The following DPH6 variants were observed in gnomAD, a reference collection of about 807,000 sequenced individuals.
The protein encoded by DPH6 is diphthine--ammonia ligase.
A neutral mutation model predicts 38.2 loss-of-function variants in DPH6; 33 were observed. The ratio of observed to expected loss-of-function variants is 0.86; its 90% CI spans 0.65 to 1.15. DPH6 has a LOEUF of 1.15. Ranked by LOEUF, DPH6 falls within the 50% of genes most tolerant of loss-of-function variation. DPH6 has a pLI of 0.00. For missense variants in DPH6, 325 were observed against 320.0 expected (o/e 1.02, Z -0.12); for synonymous variants, 108 against 103.0 (o/e 1.05, Z -0.30).
At chr15:35,147,919 T>C in the DPH6 span, among the ~76,000 whole-genome samples, 1 of 152,244 alleles carries the variant, frequency 6.6e-6, no homozygotes, top group African/African-American at 2.4e-5. Flanking sequence ...TAGTCCTGCA[T>C]GTCAGAAGCT....
At chr15:35,339,896 C>G (rs1260833437) in intron 3 of DPH6, among the ~76,000 whole-genome samples, 1 of 152,130 alleles carries the variant, frequency 6.6e-6, no homozygotes, top group Non-Finnish European at 1.5e-5. Flanking sequence ...TCTATCAAGT[C>G]CACTTAGTCC....
intron 6 of DPH6, chr15:35,401,407 T>A: frequency 1.3e-6 from 1 of 763,214 alleles, no homozygotes; most frequent in Non-Finnish European, 2.4e-6. Context: ...TGATGGTGGT[T>A]ATGGAGGAAG....
intron 6 of DPH6, among the ~76,000 whole-genome samples, chr15:35,391,617 C>A (rs1022316828): frequency 7.2e-5 from 11 of 152,186 alleles, no homozygotes; most frequent in African/African-American, 2.7e-4. Flanking sequence ...AAGCGAGGCT[C>A]CGTGGGCGTA....
chr15:35,351,732 T>C (rs1231558939), intron 3 of DPH6, among the ~76,000 whole-genome samples: 1 of 151,610 alleles, frequency 6.6e-6, no homozygotes, highest in African/African-American at 2.4e-5. Flanking sequence ...TTTTTTTTTT[T>C]TTTTTGAGAG....
intron 3 of DPH6, among the ~76,000 whole-genome samples, chr15:35,482,333 T>A (rs1029705875): frequency 3.3e-5 from 5 of 152,164 alleles, no homozygotes; most frequent in African/African-American, 1.2e-4. Context: ...ACATACATTA[T>A]GTTGGAGTCA....
In DPH6 at chr15:35,269,102, T is replaced by C. The variant is rs540350923; in HGVS notation, n.201-48520A>G. Among the ~76,000 whole-genome samples the C allele has an allele frequency of 3.9e-5, 6 of 152,316 alleles. No homozygotes were observed. In the South Asian group the frequency reaches 1.2e-3, roughly 32 times the overall value. On this transcript the variant is annotated intron_variant and non_coding_transcript_variant, in intron 3 of 3. Transcript: ENST00000560386. ...TATTCAGACTTATCCCCTGATATCC[T>C]ATAAAAATAGAAAACATATTATGAG...
chr15:35,454,731 A>G lies in DPH6; in HGVS notation c.386+16T>C, dbSNP rs1289615245. On this transcript the variant is annotated intron_variant, in intron 4 of 8. Transcript: ENST00000256538. ...ACACATACACTTTTAAAACTAACAA[A>G]TTAATGTTTTCTTACACATTTTCCA... 4 of 1,590,730 alleles carry G rather than the reference A, an allele frequency of 2.5e-6. No individual in the cohort carries two copies. The highest frequency in any genetic ancestry group is 3.4e-6 in the Non-Finnish European group (4 of 1,166,438).
intron 3 of DPH6, among the ~76,000 whole-genome samples, chr15:35,507,659 G>T (rs1169548910): frequency 6.6e-6 from 1 of 151,944 alleles, no homozygotes; most frequent in Non-Finnish European, 1.5e-5. Flanking sequence ...AAATTAATTT[G>T]CTACTATTAA....
chr15:35,339,109 G>A (rs1430996981), intron 3 of DPH6, among the ~76,000 whole-genome samples: 1 of 151,890 alleles, frequency 6.6e-6, no homozygotes, highest in Non-Finnish European at 1.5e-5. Context: ...GTGCAGCACA[G>A]CAACATGGCA....
intron 3 of DPH6, among the ~76,000 whole-genome samples, chr15:35,336,830 C>T (rs2052376997): frequency 1.3e-5 from 2 of 152,084 alleles, no homozygotes; most frequent in Admixed American, 1.3e-4. Flanking sequence ...TTTTGATGTG[C>T]TGCTGGATTT....
chr15:35,408,152 T>C (rs553567693), intron 6 of DPH6, among the ~76,000 whole-genome samples: 2 of 152,064 alleles, frequency 1.3e-5, no homozygotes, highest in South Asian at 2.1e-4. Flanking sequence ...GACAAGATCA[T>C]GTTAATGAGT....
chr15:35,375,577 C>G (rs2052769074), intron 7 of DPH6, among the ~76,000 whole-genome samples: 1 of 152,114 alleles, frequency 6.6e-6, no homozygotes, highest in Non-Finnish European at 1.5e-5. Context: ...GACAATTGTG[C>G]CACAGCAAAA....
chr15:35,425,142 C>A (rs1473524763), intron 5 of DPH6, among the ~76,000 whole-genome samples: 1 of 151,516 alleles, frequency 6.6e-6, no homozygotes, highest in Non-Finnish European at 1.5e-5. Context: ...TTATAACATA[C>A]CCTTGCTCCA....
At chr15:35,510,301 C>T (rs2054751696) in intron 3 of DPH6, among the ~76,000 whole-genome samples, 1 of 152,140 alleles carries the variant, frequency 6.6e-6, no homozygotes, top group South Asian at 2.1e-4. Flanking sequence ...AGAACTTTGT[C>T]GTATCATCTC....
intron 3 of DPH6, among the ~76,000 whole-genome samples, chr15:35,294,522 G>A (rs2052001840): frequency 6.6e-6 from 1 of 152,088 alleles, no homozygotes; most frequent in Non-Finnish European, 1.5e-5. Flanking sequence ...AACTTCAACA[G>A]TACCTCCTGT....
chr15:35,341,212 T>C (rs1481092330), intron 3 of DPH6, among the ~76,000 whole-genome samples: 2 of 152,164 alleles, frequency 1.3e-5, no homozygotes, highest in Non-Finnish European at 2.9e-5. Context: ...ATGTTGTTTT[T>C]CAGCTCCATC....
intron 3 of DPH6, among the ~76,000 whole-genome samples, chr15:35,462,503 A>T (rs978663561): frequency 6.6e-6 from 1 of 152,080 alleles, no homozygotes; most frequent in East Asian, 1.9e-4. Flanking sequence ...TCAAACACCT[A>T]TGCTTGTTTC....
chr15:35,515,933 C>A (rs531753121), intron 3 of DPH6, among the ~76,000 whole-genome samples: 1 of 151,864 alleles, frequency 6.6e-6, no homozygotes, highest in African/African-American at 2.4e-5. Flanking sequence ...GTGATACGTC[C>A]GTTTTGTGCC....
At chr15:35,343,086 C>A (rs925869101) in intron 3 of DPH6, among the ~76,000 whole-genome samples, 1 of 152,054 alleles carries the variant, frequency 6.6e-6, no homozygotes, top group African/African-American at 2.4e-5. Context: ...CCTAGAATAC[C>A]ATTGTCACAC....
Sources: gnomAD v4.1 joint callset for allele counts (sites outside exome capture counted in the v4.1 genomes callset) on GRCh38, gnomAD v4.1.1 for gene constraint, MANE v1.5 for transcripts, NCBI Gene and HGNC (gene_info 2026-07-23, HGNC 2026-07-21) for gene names.